Variants in G3BP1 observed in about 807,000 individuals in gnomAD.
The protein encoded by G3BP1 is ras GTPase-activating protein-binding protein 1.
G3BP1 carries 35 observed loss-of-function variants against 58.6 expected under a neutral mutation model. That is an observed-to-expected ratio of 0.60 (90% CI 0.46 to 0.79). G3BP1 has a LOEUF of 0.79. Among genes scored for constraint, G3BP1 ranks in the 30% least tolerant of loss-of-function variants. G3BP1 has a pLI of 0.00. For missense variants in G3BP1, 523 were observed against 580.8 expected (o/e 0.90, Z 1.02); for synonymous variants, 191 against 195.4 (o/e 0.98, Z 0.19).
chr5:151,780,039 G>T (rs1762439662), intron 1 of G3BP1, among the ~76,000 whole-genome samples: 1 of 152,158 alleles, frequency 6.6e-6, no homozygotes, highest in Non-Finnish European at 1.5e-5. Flanking sequence ...CTCCACTGTG[G>T]TTGTACCAGT....
At chr5:151,774,703 G>A (rs1762337277) in intron 1 of G3BP1, among the ~76,000 whole-genome samples, 1 of 150,838 alleles carries the variant, frequency 6.6e-6, no homozygotes, top group Admixed American at 6.6e-5. Flanking sequence ...GATAATTGTG[G>A]AAGTAGGTAG....
chr5:151,781,941 T>C (rs1326703360), intron 1 of G3BP1, among the ~76,000 whole-genome samples: 3 of 152,080 alleles, frequency 2.0e-5, no homozygotes, highest in Admixed American at 6.5e-5. Context: ...TGTTGAAGGC[T>C]CAACTGTAGT....
chr5:151,789,612 C>T (rs138406652), intron 2 of G3BP1, among the ~76,000 whole-genome samples: 1,621 of 152,252 alleles, frequency 0.011, 22 homozygotes, highest in South Asian at 0.023. Context: ...TAAGGGGAAC[C>T]GCTCACGCTT....
chr5:151,778,683 A>G (rs2915871), intron 1 of G3BP1, among the ~76,000 whole-genome samples: 3 of 151,624 alleles, frequency 2.0e-5, no homozygotes, highest in African/African-American at 4.8e-5. Flanking sequence ...TTCGGGTGAT[A>G]TGCCCTCCTC....
At chr5:151,781,427 T>C (rs986509452) in intron 1 of G3BP1, among the ~76,000 whole-genome samples, 1 of 152,234 alleles carries the variant, frequency 6.6e-6, no homozygotes, top group Non-Finnish European at 1.5e-5. Context: ...CTAATCATCT[T>C]TATGTGAGCA....
At chr5:151,796,011 A>T (rs768603400) in intron 6 of G3BP1, among the ~76,000 whole-genome samples, 4 of 152,202 alleles carry the variant, frequency 2.6e-5, no homozygotes, top group Non-Finnish European at 5.9e-5. Context: ...TAGTAAGTGC[A>T]TCATTATACC....
Position 151,791,960 on chromosome 5 carries a change from T to C in G3BP1, c.351+898T>C. The C allele has an allele frequency of 2.6e-5, 10 of 385,946 alleles. 1 individual carries two copies. Among genetic ancestry groups the C allele is most frequent in the South Asian group, 1.9e-4 (10 of 52,246 alleles). The allele number at this position is 385,946 out of a possible 1,614,324, so 23.9% of individuals were successfully genotyped here. On this transcript the variant is annotated intron_variant, in intron 4 of 11. Transcript: ENST00000356245. ...TGAGCCACCATGCCCAGCCTTATTT[T>C]TTCTCTTTTTGATTTGTAAATGAAG...
In G3BP1 at chr5:151,810,356, A is replaced by G. The variant is rs1284036921; in HGVS notation, c.*6265A>G. ...TAATTTTTTAAAAGATCAGTACAAGAGCTATATTTTTTCCTAAGAAAAAAT... is the reference window on the plus strand; with the variant it reads ...TAATTTTTTAAAAGATCAGTACAAGGGCTATATTTTTTCCTAAGAAAAAAT... On this transcript the variant is annotated 3_prime_UTR_variant, in exon 12 of 12. Coordinates refer to ENST00000356245, the MANE Select transcript of G3BP1 (RefSeq NM_005754.3). 1 of 152,186 alleles carries G rather than the reference A, an allele frequency of 6.6e-6. No homozygotes were observed. The highest frequency in any genetic ancestry group is 2.4e-5 in the African/African-American group (1 of 41,428). 9.4% of individuals were successfully genotyped at this position (152,186 alleles called of 1,614,324 possible).
chr5:151,771,975 G>A lies in G3BP1; in HGVS notation c.-111G>A, dbSNP rs545753567. On this transcript the variant is annotated 5_prime_UTR_variant, in exon 1 of 12. Coordinates refer to ENST00000356245, the MANE Select transcript of G3BP1 (RefSeq NM_005754.3). ...GTGTGTGCGGACGCAGTTGCGTGAG[G>A]GGTTTGTACTATCCTCGGTGCTGTG... The A allele has an allele frequency of 6.6e-6, 1 of 152,550 alleles. No homozygotes were observed. Among genetic ancestry groups the A allele is most frequent in the Admixed American group, 6.5e-5 (1 of 15,314 alleles). 9.4% of individuals were successfully genotyped at this position (152,550 alleles called of 1,614,324 possible). A position where few individuals can be genotyped will look rare whatever the true frequency, so the allele number is the denominator to read the frequency against.
At chr5:151,796,140 C>G (rs1762744569) in intron 6 of G3BP1, among the ~76,000 whole-genome samples, 1 of 152,132 alleles carries the variant, frequency 6.6e-6, no homozygotes. Context: ...AGGGTGTTTT[C>G]AAGTGTTTCT....
intron 4 of G3BP1, 175 bp downstream of exon 4, chr5:151,791,237 T>C: frequency 3.7e-6 from 2 of 538,456 alleles, no homozygotes; most frequent in Non-Finnish European, 6.7e-6. Context: ...CTTGCCCACA[T>C]GTGTATAATT....
chr5:151,790,059 G>A (rs1317740392), intron 2 of G3BP1, among the ~76,000 whole-genome samples: 5 of 148,614 alleles, frequency 3.4e-5, no homozygotes, highest in African/African-American at 1.0e-4. Flanking sequence ...TGTAGTTCCA[G>A]CTACTTTGGG....
Position 151,790,245 on chromosome 5 carries a change from A to G in G3BP1, c.96-78A>G. 3 of 724,464 alleles carry G rather than the reference A, an allele frequency of 4.1e-6. No individual in the cohort carries two copies. In the South Asian group the frequency reaches 5.5e-5, roughly 13 times the overall value. The allele number at this position is 724,464 out of a possible 1,614,324, so 44.9% of individuals were successfully genotyped here. A position where few individuals can be genotyped will look rare whatever the true frequency, so the allele number is the denominator to read the frequency against. On this transcript the variant is annotated intron_variant, in intron 2 of 11. Coordinates refer to ENST00000356245, the MANE Select transcript of G3BP1 (RefSeq NM_005754.3). ...GACCCCGTTGCAAAAAAAAAAAAAA[A>G]AGTTTGCCAGTATCAGACGTGAAAA... is the stretch of plus-strand genomic sequence containing the variant.
intron 1 of G3BP1, among the ~76,000 whole-genome samples, chr5:151,777,359 T>G (rs1762390726): frequency 6.6e-6 from 1 of 152,218 alleles, no homozygotes; most frequent in Non-Finnish European, 1.5e-5. Context: ...TTTGACAACT[T>G]TTTTAAAGTA....
intron 4 of G3BP1, chr5:151,791,417 A>G (rs1762650294): frequency 5.7e-6 from 1 of 176,942 alleles, no homozygotes; most frequent in African/African-American, 2.4e-5. Context: ...CTTGTCCAAC[A>G]TGGAATCTAT....
chr5:151,776,554 G>A (rs1471157319), intron 1 of G3BP1, among the ~76,000 whole-genome samples: 1 of 151,976 alleles, frequency 6.6e-6, no homozygotes, highest in African/African-American at 2.4e-5. Flanking sequence ...TTATTACTTC[G>A]GGGTTCTAAT....
At position 151,794,140 on chromosome 5, in the gene G3BP1, C is replaced by G. The variant is rs778452702; in HGVS notation, c.352-19C>G. Reference sequence around the variant, plus strand: ...TAAAAGTCTGTTGAATAAATTAAAACTTTCTGTTGGCATTGCAGGGGTCTG... The same window carrying G: ...TAAAAGTCTGTTGAATAAATTAAAAGTTTCTGTTGGCATTGCAGGGGTCTG... On this transcript the variant is annotated intron_variant, in intron 4 of 11. Coordinates refer to ENST00000356245, the MANE Select transcript of G3BP1 (RefSeq NM_005754.3). 16 of 1,477,414 alleles carry G rather than the reference C, an allele frequency of 1.1e-5. No homozygotes were observed. In the Middle Eastern group the frequency reaches 1.9e-3, roughly 172 times the overall value. The allele number at this position is 1,477,414 out of a possible 1,614,324, so 91.5% of individuals were successfully genotyped here. A position where few individuals can be genotyped will look rare whatever the true frequency, so the allele number is the denominator to read the frequency against.
At chr5:151,778,488 C>T (rs1198546277) in intron 1 of G3BP1, among the ~76,000 whole-genome samples, 1 of 152,080 alleles carries the variant, frequency 6.6e-6, no homozygotes, top group Non-Finnish European at 1.5e-5. Context: ...GTTGCCCGGG[C>T]TGGAGTGCAG....
rs17112263 is a variant in G3BP1, at chr5:151,785,699, A to G, written c.-49-873A>G. ...TTTTACATGATCACAATTTTGATAC[A>G]GTAGGAATTATTTTGAGTATAAACA... On this transcript the variant is annotated intron_variant, in intron 1 of 11. Coordinates refer to ENST00000356245, the MANE Select transcript of G3BP1 (RefSeq NM_005754.3). Among the ~76,000 whole-genome samples, 643 of 152,352 alleles carry G rather than the reference A, an allele frequency of 4.2e-3. 6 individuals carry two copies. Among genetic ancestry groups the G allele is most frequent in the African/African-American group, 0.014 (596 of 41,580 alleles).
Sources: allele counts gnomAD v4.1 joint callset (sites outside exome capture counted in the v4.1 genomes callset), GRCh38; gene constraint gnomAD v4.1.1; transcripts MANE v1.5; gene names NCBI Gene and HGNC (gene_info 2026-07-23, HGNC 2026-07-21).